The following TNR variants were observed in gnomAD, a reference collection of about 807,000 sequenced individuals.
The protein encoded by TNR is tenascin-R.
In TNR, 45 loss-of-function variants were observed where a neutral mutation model predicts 150.4. The ratio of observed to expected loss-of-function variants is 0.30; its 90% CI spans 0.24 to 0.38. The LOEUF (loss-of-function observed/expected upper bound fraction) is 0.38. Among genes scored for constraint, TNR ranks in the 10% least tolerant of loss-of-function variants. The pLI is 1.00. For missense variants in TNR, 1,544 were observed against 1,759.1 expected (o/e 0.88, Z 2.19); for synonymous variants, 687 against 678.4 (o/e 1.01, Z -0.20).
At chr1:175,609,923 A>T (rs957748905) in intron 1 of TNR, among the ~76,000 whole-genome samples, 1 of 152,238 alleles carries the variant, frequency 6.6e-6, no homozygotes. Context: ...GGACACAAAT[A>T]GTCTTGCTAA....
intron 21 of TNR, among the ~76,000 whole-genome samples, chr1:175,327,010 A>T (rs1463948211): frequency 6.6e-6 from 1 of 151,674 alleles, no homozygotes; most frequent in African/African-American, 2.4e-5. Context: ...ACCTTAAGTT[A>T]CATTTATATC....
At chr1:175,674,689 C>T (rs966092251) in intron 1 of TNR, among the ~76,000 whole-genome samples, 1 of 152,174 alleles carries the variant, frequency 6.6e-6, no homozygotes, top group East Asian at 1.9e-4. Flanking sequence ...CCTCCAGGCT[C>T]AAACAGCAAT....
At chr1:175,412,399 T>C (rs1654253025) in intron 2 of TNR, among the ~76,000 whole-genome samples, 1 of 152,154 alleles carries the variant, frequency 6.6e-6, no homozygotes, top group African/African-American at 2.4e-5. Context: ...AGAAATTGCT[T>C]CAGTCTCTCC....
intron 2 of TNR, among the ~76,000 whole-genome samples, chr1:175,521,235 A>G (rs1027959857): frequency 6.6e-6 from 1 of 152,096 alleles, no homozygotes; most frequent in South Asian, 2.1e-4. Flanking sequence ...CAATCTCTTC[A>G]TTTCTCACAG....
chr1:175,411,082 C>T (rs1348977311), intron 2 of TNR, among the ~76,000 whole-genome samples: 1 of 152,132 alleles, frequency 6.6e-6, no homozygotes, highest in East Asian at 1.9e-4. Flanking sequence ...TTGTAAAATG[C>T]TAAGTATATG....
rs187149312 is a variant in TNR, at chr1:175,723,943, T to C, written c.-165+19283A>G. Among the ~76,000 whole-genome samples the C allele has an allele frequency of 6.6e-5, 10 of 152,236 alleles. No homozygotes were observed. In the East Asian group the frequency reaches 1.7e-3, roughly 26 times the overall value. ...AACTCACAAATTTATATATAAAGTA[T>C]ATGTTTATACAGAATATAATATTTT... On this transcript the variant is annotated intron_variant, in intron 1 of 22. Transcript: ENST00000367674.
intron 1 of TNR, among the ~76,000 whole-genome samples, chr1:175,709,367 G>C (rs1244088083): frequency 6.6e-6 from 1 of 150,586 alleles, no homozygotes; most frequent in African/African-American, 2.5e-5. Context: ...GAGAAATCAG[G>C]AATTTATTCA....
intron 1 of TNR, among the ~76,000 whole-genome samples, chr1:175,685,853 GT>G (rs11435846): frequency 0.026 from 3,867 of 147,814 alleles, 157 homozygotes; most frequent in African/African-American, 0.088. Flanking sequence ...ACCATTAGCT[GT>G]TTTTTTTTTT....
At chr1:175,535,451 TTGTTG>T (rs751464589) in intron 1 of TNR, among the ~76,000 whole-genome samples, 967 of 20,234 alleles carry the variant, frequency 0.048, 7 homozygotes, top group African/African-American at 0.085. Flanking sequence ...TTATTTTTTG[TTGTTG>T]TTGTTGTTGT....
chr1:175,326,583 C>T (rs1279666296), intron 21 of TNR, among the ~76,000 whole-genome samples: 1 of 152,154 alleles, frequency 6.6e-6, no homozygotes, highest in African/African-American at 2.4e-5. Flanking sequence ...AGAGTTAACC[C>T]CACCATCTGC....
chr1:175,584,464 C>T (rs12095428), intron 1 of TNR, among the ~76,000 whole-genome samples: 18,767 of 152,150 alleles, frequency 0.12, 1,473 homozygotes, highest in African/African-American at 0.22. Flanking sequence ...CTTGCAGAAC[C>T]GTGAGACAGT....
Position 175,396,755 on chromosome 1 carries a change from C to A in TNR, c.1029G>T (p.Glu343Asp). The change falls in exon 5 of 23, where the codon GAG (glutamate) becomes GAT (aspartate). Residue 343 changes from glutamate (E) to aspartate (D), a missense_variant. Glu to Asp is a conservative substitution (Grantham distance 45). This residue lies in a region of TNR where 1,254 missense variants were observed against 1,329.4 expected (regional missense o/e 0.94). Transcript: ENST00000367674. ...CTGCCATCGGCCCGTCCCATTCCAGCTCAATGGACCTGTCGCTGATACCAG... is the reference window on the plus strand; with the variant it reads ...CTGCCATCGGCCCGTCCCATTCCAGATCAATGGACCTGTCGCTGATACCAG... ...RVAGISDRSI[E>D]LEWDGPMAVT... is the part of the protein sequence containing the mutation. 1 of 1,614,172 alleles carries A rather than the reference C, an allele frequency of 6.2e-7. No homozygotes were observed. The highest frequency in any genetic ancestry group is 8.5e-7 in the Non-Finnish European group (1 of 1,180,008).
Position 175,570,305 on chromosome 1 carries a change from C to A in TNR, c.-164-41936G>T, listed in dbSNP as rs563200466. Among the ~76,000 whole-genome samples the A allele has an allele frequency of 5.9e-5, 9 of 152,240 alleles. No individual in the cohort carries two copies. In the East Asian group the frequency reaches 1.7e-3, roughly 29 times the overall value. ...GCACAACTCTGTCCATCTTTCTCAC[C>A]CCTCAAACTCTGATTAAAATGGTAA... is the stretch of plus-strand genomic sequence containing the variant. On this transcript the variant is annotated intron_variant, in intron 1 of 22. Coordinates refer to ENST00000367674, the MANE Select transcript of TNR (RefSeq NM_003285.3).
chr1:175,483,629 C>T (rs773904864), intron 2 of TNR, among the ~76,000 whole-genome samples: 1 of 152,214 alleles, frequency 6.6e-6, no homozygotes, highest in Non-Finnish European at 1.5e-5. Context: ...TGAGCGATTC[C>T]ATGACAGATG....
intron 2 of TNR, among the ~76,000 whole-genome samples, chr1:175,410,931 A>T (rs1654184850): frequency 6.6e-6 from 1 of 152,174 alleles, no homozygotes; most frequent in Admixed American, 6.5e-5. Flanking sequence ...CTATCAGGGG[A>T]TAATACCAAA....
intron 2 of TNR, among the ~76,000 whole-genome samples, chr1:175,469,449 G>A (rs569769054): frequency 1.1e-3 from 160 of 152,240 alleles, no homozygotes; most frequent in African/African-American, 3.6e-3. Context: ...TTGGGTCAGA[G>A]AAGGTTCAGA....
At chr1:175,513,046 A>G (rs1659254798) in intron 2 of TNR, among the ~76,000 whole-genome samples, 1 of 152,202 alleles carries the variant, frequency 6.6e-6, no homozygotes, top group South Asian at 2.1e-4. Flanking sequence ...CTGAATCTGA[A>G]TCGCCTAGGG....
chr1:175,537,103 G>A (rs1660321599), intron 1 of TNR, among the ~76,000 whole-genome samples: 2 of 152,150 alleles, frequency 1.3e-5, no homozygotes, highest in Admixed American at 6.5e-5. Flanking sequence ...TTTGGTGCAC[G>A]ATCGTTAAGT....
chr1:175,409,542 T>A (rs958024383), intron 2 of TNR, among the ~76,000 whole-genome samples: 2 of 152,208 alleles, frequency 1.3e-5, no homozygotes, highest in Non-Finnish European at 2.9e-5. Flanking sequence ...TGGTCAACGG[T>A]GTGATTTTTG....
Sources: allele counts gnomAD v4.1 joint callset (sites outside exome capture counted in the v4.1 genomes callset), GRCh38; gene constraint gnomAD v4.1.1; regional missense constraint gnomAD v4.1.1; transcripts MANE v1.5; gene names NCBI Gene and HGNC (gene_info 2026-07-23, HGNC 2026-07-21).